Variants in PI4K2A observed in about 807,000 individuals in gnomAD.
The protein encoded by PI4K2A is phosphatidylinositol 4-kinase type 2-alpha.
A neutral mutation model predicts 55.0 loss-of-function variants in PI4K2A; 20 were observed. The ratio of observed to expected loss-of-function variants is 0.36; its 90% CI spans 0.26 to 0.53. The LOEUF is 0.53. PI4K2A is among the 20% of genes least tolerant of loss of function. PI4K2A has a pLI of 0.91. For missense variants in PI4K2A, 463 were observed against 637.1 expected (o/e 0.73, Z 2.94); for synonymous variants, 235 against 258.5 (o/e 0.91, Z 0.87).
chr10:97,656,402 G>A lies in PI4K2A; in HGVS notation c.754G>A (p.Gly252Arg). 1 of 1,614,000 alleles carries A rather than the reference G, an allele frequency of 6.2e-7. No individual in the cohort carries two copies. The highest frequency in any genetic ancestry group is 8.5e-7 in the Non-Finnish European group (1 of 1,179,982). Reference sequence around the variant, plus strand: ...AGTTGGACAGCGGTTTAACCGCATCGGGCTACCACCAAAGGTATAGACGCA... The same window carrying A: ...AGTTGGACAGCGGTTTAACCGCATCAGGCTACCACCAAAGGTATAGACGCA... The change falls in exon 3 of 9, where the codon GGG becomes AGG. Residue 252 changes from glycine to arginine, a missense_variant. By Grantham distance (125) the Gly-to-Arg change is moderately radical. Coordinates refer to ENST00000370631, the Ensembl canonical transcript of PI4K2A. The surrounding 1 kb of genome is among the most constrained non-coding windows in gnomAD (Gnocchi z 4.5).
Position 97,656,164 on chromosome 10 carries a change from T to C in PI4K2A, c.637-121T>C. 1.2e-6 allele frequency: 1 copy of C among 811,752 alleles called. No homozygotes were observed. The highest frequency in any genetic ancestry group is 2.0e-6 in the Non-Finnish European group (1 of 507,940). 50.3% of individuals were successfully genotyped at this position (811,752 alleles called of 1,614,324 possible). On this transcript the variant is annotated intron_variant, in intron 2 of 8. Coordinates refer to ENST00000370631, the Ensembl canonical transcript of PI4K2A. This position sits in a 1 kb window ranked among gnomAD's most constrained non-coding sequence, Gnocchi z 4.5. ...GTTGCTGGGAAGGCTGAGAAATGTA[T>C]TCTTTCTGTGCCCTGGAAGAGGAAT...
At chr10:97,668,450 C>T (rs1424598698) in intron 8 of PI4K2A, among the ~76,000 whole-genome samples, 4 of 152,074 alleles carry the variant, frequency 2.6e-5, no homozygotes, top group African/African-American at 7.2e-5. Context: ...TGGTGGCGCA[C>T]GCCTGTAATC....
chr10:97,667,943 T>A (rs1033366768), intron 8 of PI4K2A, among the ~76,000 whole-genome samples: 3 of 152,252 alleles, frequency 2.0e-5, no homozygotes, highest in Non-Finnish European at 4.4e-5. Context: ...TTGATTATGG[T>A]TATAATTTTG....
chr10:97,648,990 C>T (rs143868249), intron 1 of PI4K2A, among the ~76,000 whole-genome samples: 45 of 152,226 alleles, frequency 3.0e-4, no homozygotes, highest in African/African-American at 9.6e-4. Context: ...CCTCTCAAAT[C>T]CTTGGAAGGC....
At chr10:97,640,759 C>A in exon 1 of PI4K2A, 1 of 1,514,726 alleles carries the variant, frequency 6.6e-7, no homozygotes, top group Non-Finnish European at 8.8e-7. Context: ...GAGACGAGCC[C>A]ACTAGTGTCC....
exon 7 of PI4K2A, chr10:97,666,442 T>C (rs1218766661): frequency 2.4e-5 from 38 of 1,612,402 alleles, no homozygotes; most frequent in Non-Finnish European, 3.1e-5. Context: ...TTTCAGATCC[T>C]TTTTACTGGG....
intron 1 of PI4K2A, among the ~76,000 whole-genome samples, chr10:97,641,997 T>C (rs2041472240): frequency 6.6e-6 from 1 of 152,192 alleles, no homozygotes; most frequent in African/African-American, 2.4e-5. Context: ...CTTTATCCTT[T>C]TGAGAACTGC....
At chr10:97,644,737 T>TA (rs540258551) in intron 1 of PI4K2A, among the ~76,000 whole-genome samples, 3 of 152,262 alleles carry the variant, frequency 2.0e-5, no homozygotes, top group Non-Finnish European at 4.4e-5. Flanking sequence ...GAGACTCTTC[T>TA]ACTTACATTC....
At chr10:97,666,759 C>A (rs1410880108) in intron 7 of PI4K2A, among the ~76,000 whole-genome samples, 188 bp downstream of exon 7, 1 of 152,132 alleles carries the variant, frequency 6.6e-6, no homozygotes, top group Non-Finnish European at 1.5e-5. Context: ...GAGAAATGGG[C>A]AGGGGTGAGA....
intron 4 of PI4K2A, among the ~76,000 whole-genome samples, chr10:97,659,920 T>C (rs2041572364): frequency 6.6e-6 from 1 of 152,088 alleles, no homozygotes; most frequent in Non-Finnish European, 1.5e-5. Flanking sequence ...TACTCCACCA[T>C]CTTCCCAGAA....
chr10:97,663,333 C>T (rs1443636223), intron 5 of PI4K2A, among the ~76,000 whole-genome samples: 3 of 152,182 alleles, frequency 2.0e-5, no homozygotes, highest in African/African-American at 7.2e-5. Flanking sequence ...TTTCTCACAA[C>T]AGACCGCAAG....
chr10:97,651,099 G>C, exon 2 of PI4K2A: 2 of 1,613,702 alleles, frequency 1.2e-6, no homozygotes, highest in Non-Finnish European at 1.7e-6. Flanking sequence ...GGGCCAGCCT[G>C]GTGGACCAAA....
chr10:97,667,973 C>T (rs552356903), intron 8 of PI4K2A, among the ~76,000 whole-genome samples: 1 of 152,344 alleles, frequency 6.6e-6, no homozygotes, highest in African/African-American at 2.4e-5. Context: ...GTGCAACTTA[C>T]ATTATTCCTT....
intron 1 of PI4K2A, among the ~76,000 whole-genome samples, chr10:97,650,271 T>C (rs2135754235): frequency 8.0e-6 from 1 of 125,662 alleles, no homozygotes; most frequent in Non-Finnish European, 1.7e-5. Flanking sequence ...TGAATTGGCT[T>C]CTGTACCTTT....
intron 6 of PI4K2A, among the ~76,000 whole-genome samples, 200 bp from the exon 7 acceptor site, chr10:97,666,238 G>A (rs1452884320): frequency 6.6e-6 from 1 of 152,188 alleles, no homozygotes; most frequent in Non-Finnish European, 1.5e-5. Flanking sequence ...TCTGACATTA[G>A]GCAGCCCTGG....
Position 97,672,393 on chromosome 10 carries a change from G to C in PI4K2A, c.1279-1188G>C, listed in dbSNP as rs76477897. Among the ~76,000 whole-genome samples the C allele has an allele frequency of 2.6e-4, 39 of 152,204 alleles. No homozygotes were observed. The East Asian group carries it at 5.6e-3, about 22-fold the overall frequency. ...CAGAGATGACCACTGCCAACTGCCA[G>C]ACTTTTTTCTACACTATAGTTAGAT... On this transcript the variant is annotated intron_variant, in intron 8 of 8. Transcript: ENST00000370631.
chr10:97,644,306 G>A (rs1337969732), intron 1 of PI4K2A, among the ~76,000 whole-genome samples: 5 of 152,068 alleles, frequency 3.3e-5, no homozygotes, highest in African/African-American at 4.8e-5. Context: ...AGCCGAGATC[G>A]TACCACTGCA....
rs767577908 is a variant in PI4K2A, at chr10:97,656,445, G to T, written c.768+29G>T. ...TAGACGCACCTCTGGCTTATCAAGG[G>T]TCATGATTTATAGTGACATAGTCAT... On this transcript the variant is annotated intron_variant, in intron 3 of 8. Transcript: ENST00000370631. This position sits in a 1 kb window ranked among gnomAD's most constrained non-coding sequence, Gnocchi z 4.5. 1.9e-6 allele frequency: 3 copies of T among 1,608,680 alleles called. No individual in the cohort carries two copies. The highest frequency in any genetic ancestry group is 3.3e-5 in the Admixed American group (2 of 59,880).
At chr10:97,669,424 C>G (rs1009493799) in intron 8 of PI4K2A, among the ~76,000 whole-genome samples, 1 of 151,870 alleles carries the variant, frequency 6.6e-6, no homozygotes, top group Non-Finnish European at 1.5e-5. Context: ...CCTTGCCAAC[C>G]CTTCTCCCAT....
Sources: allele counts gnomAD v4.1 joint callset (sites outside exome capture counted in the v4.1 genomes callset), GRCh38; gene constraint gnomAD v4.1.1; non-coding constraint Gnocchi (gnomAD v3.1); transcripts MANE v1.5; gene names NCBI Gene and HGNC (gene_info 2026-07-23, HGNC 2026-07-21).